VWA8: variants seen among roughly 807,000 people sequenced by gnomAD.
VWA8 encodes the protein von Willebrand factor A domain-containing protein 8.
In VWA8, 221 loss-of-function variants were observed where a neutral mutation model predicts 241.5. The observed-to-expected ratio is 0.91, with a 90% CI of 0.82 to 1.02. The LOEUF (loss-of-function observed/expected upper bound fraction) is 1.02. Ranked by LOEUF, VWA8 falls within the 50% of genes least tolerant of loss-of-function variation. VWA8 has a pLI of 0.00. For missense variants in VWA8, 2,322 were observed against 2,328.7 expected, an observed-to-expected ratio of 1.00 and a Z score of 0.06; for synonymous variants, 852 against 827.1, an observed-to-expected ratio of 1.03 and a Z score of -0.52.
chr13:41,752,539 G>A (rs373334324), intron 21 of VWA8, among the ~76,000 whole-genome samples: 5 of 152,252 alleles, frequency 3.3e-5, no homozygotes, highest in Admixed American at 2.6e-4. Context: ...TTAGGCGAAT[G>A]AATTAACATA....
chr13:41,688,697 C>A (rs1327552098), intron 34 of VWA8, among the ~76,000 whole-genome samples: 2 of 152,020 alleles, frequency 1.3e-5, no homozygotes, highest in African/African-American at 4.8e-5. Context: ...ACAATAATGA[C>A]AATCCAACAA....
chr13:41,668,757 C>G (rs1363509699), intron 37 of VWA8, among the ~76,000 whole-genome samples: 2 of 152,082 alleles, frequency 1.3e-5, no homozygotes, highest in Non-Finnish European at 2.9e-5. Context: ...GACAATTAGT[C>G]TTGTCTGTTT....
intron 38 of VWA8, among the ~76,000 whole-genome samples, chr13:41,613,631 G>A (rs1374936697): frequency 6.6e-6 from 1 of 152,168 alleles, no homozygotes; most frequent in Non-Finnish European, 1.5e-5. Context: ...GGAGCAGGAG[G>A]TGCTCTTCAT....
chr13:41,672,416 T>C (rs1392720555), intron 36 of VWA8, among the ~76,000 whole-genome samples: 1 of 152,320 alleles, frequency 6.6e-6, no homozygotes, highest in South Asian at 2.1e-4. Context: ...ATACAGATTA[T>C]AAATTCCTAT....
rs769039237 is a variant in VWA8, at chr13:41,811,323, T to C, written c.1965A>G (p.Ala655=). 5.6e-6 allele frequency: 9 copies of C among 1,610,440 alleles called. No individual in the cohort carries two copies. The South Asian group carries it at 6.6e-5, about 12-fold the overall frequency. Residue 655 remains alanine (A), a synonymous_variant, in exon 17 of 45, where the codon GCA becomes GCG. Coordinates refer to ENST00000379310, the MANE Select transcript of VWA8 (RefSeq NM_015058.2). The part of the protein sequence containing the change: ...TQDPTAQSLA[A]SLSTRQLLRI... ...GCAACAGTTGTCTGGTAGAAAGTGA[T>C]GCCGCTAATGATTGTGCCTATCAAA... is the stretch of plus-strand genomic sequence containing the variant.
intron 2 of VWA8, among the ~76,000 whole-genome samples, chr13:41,915,447 A>G (rs1032510999): frequency 2.0e-5 from 3 of 152,230 alleles, no homozygotes; most frequent in Admixed American, 6.5e-5. Flanking sequence ...GAAATGAGAA[A>G]TAATTTGGTA....
chr13:41,944,021 C>T (rs1332173731), intron 2 of VWA8, among the ~76,000 whole-genome samples: 1 of 151,862 alleles, frequency 6.6e-6, no homozygotes, highest in Non-Finnish European at 1.5e-5. Flanking sequence ...AGGAGAATCG[C>T]TTGAACCTGG....
intron 21 of VWA8, among the ~76,000 whole-genome samples, chr13:41,753,670 A>G (rs2045672036): frequency 6.6e-6 from 1 of 152,170 alleles, no homozygotes; most frequent in Admixed American, 6.6e-5. Flanking sequence ...TAACATGGCC[A>G]TATTTAAAAG....
At chr13:41,606,001 GCTTCT>G (rs2044551627) in intron 39 of VWA8, among the ~76,000 whole-genome samples, 1 of 152,090 alleles carries the variant, frequency 6.6e-6, no homozygotes, top group Non-Finnish European at 1.5e-5. Flanking sequence ...CCCTGCAAGT[GCTTCT>G]CTCCCACTTG....
chr13:41,858,023 C>A (rs1294403663), intron 12 of VWA8, among the ~76,000 whole-genome samples: 1 of 152,142 alleles, frequency 6.6e-6, no homozygotes, highest in African/African-American at 2.4e-5. Context: ...CAGACTGGAA[C>A]TTATACTATT....
chr13:41,840,930 G>A (rs1871971268), intron 12 of VWA8, among the ~76,000 whole-genome samples: 1 of 152,140 alleles, frequency 6.6e-6, no homozygotes. Flanking sequence ...AATTATTACA[G>A]CTAATCCTTA....
chr13:41,771,979 C>T (rs2045827288), intron 20 of VWA8, among the ~76,000 whole-genome samples: 1 of 148,772 alleles, frequency 6.7e-6, no homozygotes, highest in Non-Finnish European at 1.5e-5. Flanking sequence ...CAACCTCTGC[C>T]TCCTGGGCTC....
At chr13:41,733,111 C>T (rs115224650) in intron 21 of VWA8, among the ~76,000 whole-genome samples, 2,017 of 152,270 alleles carry the variant, frequency 0.013, 23 homozygotes, top group Middle Eastern at 0.054. Context: ...TAAGACACTA[C>T]TGGACAGTGA....
chr13:41,841,759 T>C (rs1872015376), intron 12 of VWA8, among the ~76,000 whole-genome samples: 1 of 108,618 alleles, frequency 9.2e-6, no homozygotes, highest in African/African-American at 3.6e-5. Context: ...CACTCCACCC[T>C]GGGCGACAGA....
intron 10 of VWA8, among the ~76,000 whole-genome samples, chr13:41,867,506 G>A (rs1275496050): frequency 1.3e-5 from 2 of 152,198 alleles, no homozygotes; most frequent in Non-Finnish European, 2.9e-5. Flanking sequence ...TTACATCTCA[G>A]TTTTCTAATC....
intron 2 of VWA8, among the ~76,000 whole-genome samples, chr13:41,924,949 G>A (rs1168925188): frequency 6.6e-6 from 1 of 150,396 alleles, no homozygotes; most frequent in Non-Finnish European, 1.5e-5. Flanking sequence ...AATCCAATAA[G>A]CTATTCTCCA....
At chr13:41,771,079 T>A (rs945879840) in intron 20 of VWA8, among the ~76,000 whole-genome samples, 1 of 152,172 alleles carries the variant, frequency 6.6e-6, no homozygotes, top group African/African-American at 2.4e-5. Flanking sequence ...GATATGTAGA[T>A]CAAATTTTTA....
intron 37 of VWA8, among the ~76,000 whole-genome samples, chr13:41,650,139 ATCTT>A (rs746907403): frequency 1.3e-5 from 2 of 152,168 alleles, no homozygotes; most frequent in African/African-American, 2.4e-5. Flanking sequence ...GAAATCTATA[ATCTT>A]TCTATTATTG....
At chr13:41,570,063 T>TAC (rs1170561898) in intron 44 of VWA8, among the ~76,000 whole-genome samples, 1 of 152,156 alleles carries the variant, frequency 6.6e-6, no homozygotes, top group Non-Finnish European at 1.5e-5. Context: ...CAGACATTCA[T>TAC]ACACACACAC....
Sources: allele counts gnomAD v4.1 joint callset (sites outside exome capture counted in the v4.1 genomes callset), GRCh38; gene constraint gnomAD v4.1.1; transcripts MANE v1.5; gene names NCBI Gene and HGNC (gene_info 2026-07-23, HGNC 2026-07-21).